Variants in PPP4R4 observed in about 807,000 individuals in gnomAD.
PPP4R4 encodes the protein serine/threonine-protein phosphatase 4 regulatory subunit 4.
A neutral mutation model predicts 121.8 loss-of-function variants in PPP4R4; 70 were observed. The observed-to-expected ratio is 0.57, with a 90% CI of 0.47 to 0.70. The LOEUF (loss-of-function observed/expected upper bound fraction) is 0.70. Ranked by LOEUF, PPP4R4 falls within the 30% of genes least tolerant of loss-of-function variation. The pLI is 0.00. For synonymous variants in PPP4R4, 348 were observed against 355.7 expected (o/e 0.98, Z 0.24); for missense variants, 875 against 1,033.6 (o/e 0.85, Z 2.10).
At chr14:94,248,149 T>C (rs1170303141) in intron 14 of PPP4R4, among the ~76,000 whole-genome samples, 5 of 152,206 alleles carry the variant, frequency 3.3e-5, no homozygotes, top group Admixed American at 6.5e-5. Context: ...GATATGATTC[T>C]ATACCTAGAA....
chr14:94,261,355 A>T (rs963096691), intron 19 of PPP4R4, among the ~76,000 whole-genome samples: 11 of 151,846 alleles, frequency 7.2e-5, no homozygotes, highest in Admixed American at 2.0e-4. Flanking sequence ...ACATTTTTTT[A>T]TTTCACTTTC....
At chr14:94,210,060 T>C (rs1176186465) in intron 3 of PPP4R4, among the ~76,000 whole-genome samples, 1 of 151,876 alleles carries the variant, frequency 6.6e-6, no homozygotes, top group Admixed American at 6.6e-5. Flanking sequence ...TTTTTTTATT[T>C]TCTTACTTTC....
intron 1 of PPP4R4, among the ~76,000 whole-genome samples, chr14:94,175,005 G>A (rs1888597680): frequency 9.1e-6 from 1 of 109,842 alleles, no homozygotes; most frequent in South Asian, 3.3e-4. Context: ...GCCCCTCGAG[G>A]CCGCAGCCCA....
intron 16 of PPP4R4, among the ~76,000 whole-genome samples, chr14:94,253,586 T>C (rs1236955094): frequency 6.6e-6 from 1 of 152,252 alleles, no homozygotes; most frequent in Non-Finnish European, 1.5e-5. Context: ...TGTGATGTAT[T>C]GTCACTTATC....
intron 7 of PPP4R4, 150 bp downstream of exon 7, chr14:94,234,819 G>A (rs958848454): frequency 1.1e-5 from 7 of 638,034 alleles, no homozygotes; most frequent in African/African-American, 3.8e-5. Flanking sequence ...GGTGGTAGGC[G>A]TTTGATTAAT....
Position 94,275,439 on chromosome 14 carries a change from C to T in PPP4R4, c.2515C>T (p.Pro839Ser), listed in dbSNP as rs1190056278. Residue 839 changes from proline (P) to serine (S), a missense_variant, in exon 24 of 25, where the codon CCG becomes TCG. By Grantham distance (74) the Pro-to-Ser change is moderately conservative. Transcript: ENST00000304338. ...PSSFSPNTPL[P>S]STSRGTGNSV... is the part of the protein sequence containing the mutation. ...TTCCTTTTCTCCTAATACTCCCTTA[C>T]CGAGTACTTCCCGTGGGACAGGTAA... The T allele has an allele frequency of 2.5e-6, 4 of 1,613,908 alleles. No individual in the cohort carries two copies. The highest frequency in any genetic ancestry group is 3.4e-6 in the Non-Finnish European group (4 of 1,179,826).
At chr14:94,210,866 T>TA (rs1216160110) in intron 3 of PPP4R4, among the ~76,000 whole-genome samples, 4 of 152,200 alleles carry the variant, frequency 2.6e-5, no homozygotes, top group African/African-American at 9.6e-5. Context: ...TTTCAAATGA[T>TA]AAAATCTGTG....
rs1424624602 is a variant in PPP4R4, at chr14:94,174,330, C to G, written c.-136C>G. On this transcript the variant is annotated 5_prime_UTR_variant, in exon 1 of 25. Transcript: ENST00000304338. The stretch of plus-strand genomic sequence containing the variant: ...CCTCGCCGGGCCGTGCTCTTGCTCC[C>G]GCCGCCTGGCAGCCTCACGCTCGGC... 2 of 771,048 alleles carry G rather than the reference C, an allele frequency of 2.6e-6. No homozygotes were observed. Among genetic ancestry groups the G allele is most frequent in the Non-Finnish European group, 3.5e-6 (2 of 571,934 alleles). The allele number at this position is 771,048 out of a possible 1,614,324, so 47.8% of individuals were successfully genotyped here. A position where few individuals can be genotyped will look rare whatever the true frequency, so the allele number is the denominator to read the frequency against.
intron 14 of PPP4R4, among the ~76,000 whole-genome samples, chr14:94,248,959 T>C (rs1046099412): frequency 2.0e-5 from 3 of 151,830 alleles, no homozygotes; most frequent in African/African-American, 7.2e-5. Context: ...ATTGCAGTTA[T>C]TATTTTTTGT....
chr14:94,195,338 A>C (rs1889814772), intron 2 of PPP4R4, among the ~76,000 whole-genome samples: 1 of 152,212 alleles, frequency 6.6e-6, no homozygotes, highest in Non-Finnish European at 1.5e-5. Flanking sequence ...CAGTTTTAAC[A>C]AGCCCTGTAC....
intron 18 of PPP4R4, 106 bp from the exon 19 acceptor site, chr14:94,259,189 A>G: frequency 6.1e-6 from 9 of 1,483,062 alleles, no homozygotes; most frequent in South Asian, 1.3e-5. Context: ...TGAAATTTGG[A>G]TGGGGACACA....
Position 94,245,583 on chromosome 14 carries a change from A to G in PPP4R4, c.1345-4A>G. 1 of 1,525,410 alleles carries G rather than the reference A, an allele frequency of 6.6e-7. No homozygotes were observed. The allele number at this position is 1,525,410 out of a possible 1,614,324, so 94.5% of individuals were successfully genotyped here. ...ATAACAGTAATCAATATCTCTGTTAAAAGGTACTAGATGCTCTTATAGATC... is the reference window on the plus strand; with the variant it reads ...ATAACAGTAATCAATATCTCTGTTAGAAGGTACTAGATGCTCTTATAGATC... On this transcript the variant is annotated splice_polypyrimidine_tract_variant and splice_region_variant and intron_variant, in intron 12 of 24. Transcript: ENST00000304338.
At chr14:94,175,147 G>A (rs1441446124) in intron 1 of PPP4R4, among the ~76,000 whole-genome samples, 1 of 127,312 alleles carries the variant, frequency 7.9e-6, no homozygotes, top group Non-Finnish European at 1.7e-5. Context: ...ACACCACCCC[G>A]CGTCCCGTCC....
At chr14:94,262,153 C>G (rs1893820898) in intron 19 of PPP4R4, among the ~76,000 whole-genome samples, 1 of 151,904 alleles carries the variant, frequency 6.6e-6, no homozygotes, top group Admixed American at 6.6e-5. Flanking sequence ...ATAGAATTCA[C>G]TAGTGAAGTT....
intron 16 of PPP4R4, among the ~76,000 whole-genome samples, chr14:94,256,193 A>G (rs1893463167): frequency 1.3e-5 from 2 of 152,050 alleles, no homozygotes; most frequent in Non-Finnish European, 2.9e-5. Context: ...ATTTAACACT[A>G]TCTGACAGAT....
At chr14:94,225,368 A>G (rs1451612740) in intron 3 of PPP4R4, among the ~76,000 whole-genome samples, 1 of 152,196 alleles carries the variant, frequency 6.6e-6, no homozygotes, top group Non-Finnish European at 1.5e-5. Flanking sequence ...GTGTTTGCTG[A>G]TTCTAGAAGA....
At chr14:94,240,092 A>T (rs571910769) in intron 8 of PPP4R4, among the ~76,000 whole-genome samples, 1 of 152,308 alleles carries the variant, frequency 6.6e-6, no homozygotes, top group East Asian at 1.9e-4. Flanking sequence ...TAGAATTGAG[A>T]CTTAAAAATC....
chr14:94,275,972 G>A (rs920017125), intron 24 of PPP4R4, among the ~76,000 whole-genome samples: 7 of 152,182 alleles, frequency 4.6e-5, no homozygotes, highest in African/African-American at 1.4e-4. Flanking sequence ...TTTACAGACT[G>A]TACTTGTGTC....
At chr14:94,256,144 T>G (rs1950647) in intron 16 of PPP4R4, among the ~76,000 whole-genome samples, 17,367 of 152,196 alleles carry the variant, frequency 0.11, 1,173 homozygotes, top group African/African-American at 0.18. Flanking sequence ...CCCCTGGTAC[T>G]CCCTTGTCTT....
Sources: allele counts gnomAD v4.1 joint callset (sites outside exome capture counted in the v4.1 genomes callset), GRCh38; gene constraint gnomAD v4.1.1; transcripts MANE v1.5; gene names NCBI Gene and HGNC (gene_info 2026-07-23, HGNC 2026-07-21).